AGBL1: variants seen among roughly 807,000 people sequenced by gnomAD.
AGBL1 encodes cytosolic carboxypeptidase 4.
AGBL1 carries 130 observed loss-of-function variants against 118.9 expected under a neutral mutation model. The observed-to-expected ratio is 1.09, with a 90% confidence interval of 0.95 to 1.26. The LOEUF is 1.26. AGBL1 is among the 50% of genes most tolerant of loss of function. AGBL1 has a pLI of 0.00. For synonymous variants in AGBL1, 555 were observed against 478.9 expected (o/e 1.16, Z -2.08); for missense variants, 1,584 against 1,298.1 (o/e 1.22, Z -3.38).
intron 3 of AGBL1, among the ~76,000 whole-genome samples, chr15:86,144,412 C>T (rs2077005522): frequency 6.6e-6 from 1 of 152,206 alleles, no homozygotes; most frequent in Non-Finnish European, 1.5e-5. Context: ...GACACGGACT[C>T]AACCTAAACG....
intron 22 of AGBL1, among the ~76,000 whole-genome samples, chr15:86,715,229 C>A (rs1323617028): frequency 6.6e-6 from 1 of 152,184 alleles, no homozygotes; most frequent in Admixed American, 6.5e-5. Context: ...AAATCCTGCA[C>A]AGTGAATTAG....
At chr15:86,145,242 T>C (rs2077017307) in intron 3 of AGBL1, among the ~76,000 whole-genome samples, 1 of 152,198 alleles carries the variant, frequency 6.6e-6, no homozygotes, top group African/African-American at 2.4e-5. Flanking sequence ...CACTATTCAA[T>C]CCACTACAAG....
At chr15:86,724,079 C>CA (rs1338820229) in intron 22 of AGBL1, among the ~76,000 whole-genome samples, 2 of 151,580 alleles carry the variant, frequency 1.3e-5, no homozygotes, top group African/African-American at 2.4e-5. Context: ...AATAAAAATA[C>CA]AAAAAAATTA....
chr15:86,767,913 C>G (rs550141764), intron 22 of AGBL1, among the ~76,000 whole-genome samples: 1 of 151,948 alleles, frequency 6.6e-6, no homozygotes, highest in African/African-American at 2.4e-5. Context: ...TTGCATAACT[C>G]AACCTTTTTG....
At chr15:86,596,341 A>C (rs947098585) in intron 21 of AGBL1, among the ~76,000 whole-genome samples, 4 of 152,100 alleles carry the variant, frequency 2.6e-5, no homozygotes, top group African/African-American at 9.7e-5. Flanking sequence ...CCTTAAGATG[A>C]TATATGAACT....
At chr15:86,324,412 T>TTC (rs1259324020) in intron 17 of AGBL1, among the ~76,000 whole-genome samples, 1 of 152,186 alleles carries the variant, frequency 6.6e-6, no homozygotes, top group Non-Finnish European at 1.5e-5. Flanking sequence ...ACAAAGGGCC[T>TTC]TCTCTAGGCT....
chr15:86,152,409 T>C (rs190466232), intron 3 of AGBL1, among the ~76,000 whole-genome samples: 1 of 152,222 alleles, frequency 6.6e-6, no homozygotes, highest in Non-Finnish European at 1.5e-5. Flanking sequence ...AAACAAGAAA[T>C]GGGGAAAGGA....
chr15:86,137,362 C>A (rs2076902817), intron 1 of AGBL1, among the ~76,000 whole-genome samples: 1 of 152,188 alleles, frequency 6.6e-6, no homozygotes, highest in Non-Finnish European at 1.5e-5. Context: ...TTTTTCAAGA[C>A]CACAGTACTT....
At chr15:86,459,162 A>C (rs2082298689) in intron 18 of AGBL1, among the ~76,000 whole-genome samples, 1 of 152,160 alleles carries the variant, frequency 6.6e-6, no homozygotes, top group African/African-American at 2.4e-5. Context: ...CGTGAGTGTA[A>C]TAGGCTCCCT....
intron 1 of AGBL1, among the ~76,000 whole-genome samples, chr15:86,109,083 G>C (rs191341175): frequency 9.4e-4 from 143 of 152,264 alleles, no homozygotes; most frequent in African/African-American, 3.3e-3. Flanking sequence ...GATATTGGTT[G>C]CCTGAAAGTA....
chr15:86,621,479 C>T lies in AGBL1; in HGVS notation c.2995-52794C>T, dbSNP rs1332603594. 3.3e-5 allele frequency among the ~76,000 whole-genome samples: 5 copies of T among 152,330 alleles called. No homozygotes were observed. The East Asian group carries it at 5.8e-4, about 18-fold the overall frequency. ...GTTGCCAGCAATCTGTGGCATTCCT[C>T]GCCTTGTAGCTGCAACACTTCAATC... On this transcript the variant is annotated intron_variant, in intron 21 of 22. Transcript: ENST00000614907.
At chr15:86,116,904 C>A (rs776352847) in intron 1 of AGBL1, among the ~76,000 whole-genome samples, 1 of 152,008 alleles carries the variant, frequency 6.6e-6, no homozygotes, top group Non-Finnish European at 1.5e-5. Flanking sequence ...AGTTGGTAAC[C>A]AAGCATCTTT....
At chr15:86,184,213 C>A (rs913692929) in intron 5 of AGBL1, among the ~76,000 whole-genome samples, 1 of 152,180 alleles carries the variant, frequency 6.6e-6, no homozygotes, top group Non-Finnish European at 1.5e-5. Context: ...GTAGTGGAGA[C>A]AAATGTTCAT....
At chr15:86,988,012 A>C (rs1231020325) in exon 24 of AGBL1, 1 of 1,613,594 alleles carries the variant, frequency 6.2e-7, no homozygotes, top group Non-Finnish European at 8.5e-7. Context: ...TTTCCTGCCA[A>C]AGCATATTTG....
At chr15:87,030,782 C>G (rs1454477052), downstream of AGBL1, among the ~76,000 whole-genome samples, 1 of 151,948 alleles carries the variant, frequency 6.6e-6, no homozygotes, top group African/African-American at 2.4e-5. Flanking sequence ...CATTAGAAAG[C>G]TATCCCAGTT....
intron 21 of AGBL1, among the ~76,000 whole-genome samples, chr15:86,601,574 G>A (rs954296074): frequency 2.0e-5 from 3 of 152,090 alleles, no homozygotes; most frequent in Non-Finnish European, 2.9e-5. Flanking sequence ...AAAAAGATAC[G>A]AGTAAGGTTC....
In AGBL1 at chr15:86,808,159, T is replaced by C. The variant is rs558653344; in HGVS notation, c.3159-98928T>C. On this transcript the variant is annotated intron_variant, in intron 22 of 22. Transcript: ENST00000614907. ...ATAAATTTTCAATCCATAAATCTTA[T>C]ACAGAATGACCTTTCTGAGAAATAA... Among the ~76,000 whole-genome samples the C allele has an allele frequency of 2.0e-5, 3 of 152,306 alleles. No individual in the cohort carries two copies. The South Asian group carries it at 6.2e-4, about 32-fold the overall frequency.
chr15:86,611,830 G>A (rs2084660130), intron 21 of AGBL1, among the ~76,000 whole-genome samples: 1 of 152,140 alleles, frequency 6.6e-6, no homozygotes, highest in African/African-American at 2.4e-5. Context: ...AGAGGCGGAA[G>A]TTTACTGTAA....
chr15:86,632,274 T>TAAAAGAAA (rs2084984441), intron 21 of AGBL1, among the ~76,000 whole-genome samples: 2 of 125,280 alleles, frequency 1.6e-5, no homozygotes, highest in Non-Finnish European at 3.2e-5. Flanking sequence ...TCTTTCTCTT[T>TAAAAGAAA]AAAAAAAAAA....
Sources: allele counts gnomAD v4.1 joint callset (sites outside exome capture counted in the v4.1 genomes callset), GRCh38; gene constraint gnomAD v4.1.1; transcripts MANE v1.5; gene names NCBI Gene and HGNC (gene_info 2026-07-23, HGNC 2026-07-21).